PTPRN2: variants seen among roughly 807,000 people sequenced by gnomAD.
PTPRN2 encodes protein tyrosine phosphatase receptor type N2, also known as receptor-type tyrosine-protein phosphatase N2.
In PTPRN2, 74 loss-of-function variants were observed where a neutral mutation model predicts 118.8. That is an observed-to-expected ratio of 0.62 (90% confidence interval 0.52 to 0.76). PTPRN2 has a LOEUF of 0.76. Ranked by LOEUF, PTPRN2 falls within the 30% of genes least tolerant of loss-of-function variation. PTPRN2 has a pLI of 0.00. For synonymous variants in PTPRN2, 641 were observed against 608.0 expected, an observed-to-expected ratio of 1.05 and a Z score of -0.80; for missense variants, 1,481 against 1,394.4, an observed-to-expected ratio of 1.06 and a Z score of -0.99.
At chr7:158,464,509 C>T (rs1262005103) in intron 2 of PTPRN2, among the ~76,000 whole-genome samples, 2 of 148,134 alleles carry the variant, frequency 1.4e-5, no homozygotes, top group Non-Finnish European at 3.0e-5. Flanking sequence ...AATAATCCTT[C>T]ATCATCACCA....
intron 17 of PTPRN2, among the ~76,000 whole-genome samples, chr7:157,592,676 CCGAGGG>C (rs1801054223): frequency 7.4e-6 from 1 of 135,390 alleles, no homozygotes; most frequent in African/African-American, 2.8e-5. Context: ...ACCTGCTGAA[CCGAGGG>C]TGGATGTGGG....
At chr7:157,589,490 C>T (rs375286824) in intron 17 of PTPRN2, among the ~76,000 whole-genome samples, 4 of 152,270 alleles carry the variant, frequency 2.6e-5, no homozygotes, top group East Asian at 1.9e-4. Flanking sequence ...TGACAGGTAC[C>T]CAAAGCCGCA....
chr7:158,036,616 T>C (rs1429257200), intron 11 of PTPRN2, among the ~76,000 whole-genome samples: 1 of 152,148 alleles, frequency 6.6e-6, no homozygotes, highest in Non-Finnish European at 1.5e-5. Context: ...AATGCAAAAC[T>C]GGTTCTACTC....
rs551404789 is a variant in PTPRN2 at position 157,644,573 on chromosome 7, G to A, written c.2196+11784C>T. 3.3e-3 allele frequency among the ~76,000 whole-genome samples: 507 copies of A among 152,274 alleles called. 4 individuals are homozygous for A. Among genetic ancestry groups the A allele is most frequent in the African/African-American group, 0.012 (495 of 41,558 alleles). On this transcript the variant is annotated intron_variant, in intron 14 of 22. Coordinates refer to ENST00000389418, the MANE Select transcript of PTPRN2 (RefSeq NM_002847.5). Reference sequence around the variant, plus strand: ...AGCACTTTGGGAGGCTGAGGCAGGCGGATCACGAGGTCAGGAGTTTGAGAT... The same window carrying A: ...AGCACTTTGGGAGGCTGAGGCAGGCAGATCACGAGGTCAGGAGTTTGAGAT...
At chr7:158,543,746 C>A (rs901733580) in intron 1 of PTPRN2, among the ~76,000 whole-genome samples, 18 of 152,214 alleles carry the variant, frequency 1.2e-4, no homozygotes, top group African/African-American at 4.1e-4. Flanking sequence ...ATTTCATCTA[C>A]CCTCTAAAAT....
intron 11 of PTPRN2, among the ~76,000 whole-genome samples, chr7:158,021,700 G>A (rs953417376): frequency 6.6e-6 from 1 of 152,076 alleles, no homozygotes; most frequent in South Asian, 2.1e-4. Flanking sequence ...GAGGGGCCTC[G>A]GGAGGAGCAG....
chr7:157,833,507 C>G (rs369585155), intron 12 of PTPRN2, among the ~76,000 whole-genome samples: 7,872 of 128,338 alleles, frequency 0.061, 1,007 homozygotes, highest in African/African-American at 0.22. Context: ...TGCGACGTGG[C>G]CGGCGCCCAT....
chr7:158,516,713 T>C (rs1354239874), intron 1 of PTPRN2, among the ~76,000 whole-genome samples: 1 of 151,040 alleles, frequency 6.6e-6, no homozygotes, highest in African/African-American at 2.4e-5. Context: ...TCTTGGTGCT[T>C]CTGCCTTTTG....
intron 6 of PTPRN2, among the ~76,000 whole-genome samples, chr7:158,146,558 A>G (rs925691301): frequency 2.0e-5 from 3 of 151,692 alleles, no homozygotes; most frequent in African/African-American, 2.4e-5. Flanking sequence ...CATCTCTACT[A>G]AAAATACAAA....
At position 157,775,010 on chromosome 7, in the gene PTPRN2, G is replaced by A. The variant is rs557362152; in HGVS notation, c.1789-92073C>T. Among the ~76,000 whole-genome samples, 39 of 152,326 alleles carry A rather than the reference G, an allele frequency of 2.6e-4. No individual in the cohort carries two copies. In the South Asian group the frequency reaches 8.1e-3, roughly 32 times the overall value. The stretch of plus-strand genomic sequence containing the variant: ...CAATGAAAGCAAAGTCAGGGAAGAT[G>A]AGAAGGTGGCCTTGCATCCTAACTG... On this transcript the variant is annotated intron_variant, in intron 12 of 22. Transcript: ENST00000389418.
chr7:157,968,558 C>G (rs55973530), intron 11 of PTPRN2, among the ~76,000 whole-genome samples: 1 of 152,180 alleles, frequency 6.6e-6, no homozygotes, highest in Non-Finnish European at 1.5e-5. Context: ...AAGGCTCGAA[C>G]GCTGGAGCCG....
At chr7:158,369,144 T>C (rs1027987303) in intron 2 of PTPRN2, among the ~76,000 whole-genome samples, 4 of 152,044 alleles carry the variant, frequency 2.6e-5, no homozygotes, top group African/African-American at 4.8e-5. Context: ...CCCTTGAACA[T>C]TGGACTCCAA....
rs556459134 is a variant in PTPRN2 at position 158,015,155 on chromosome 7, G to T, written c.1723+66143C>A. 5.3e-5 allele frequency among the ~76,000 whole-genome samples: 8 copies of T among 152,304 alleles called. No individual in the cohort carries two copies. Among genetic ancestry groups the T allele is most frequent in the Non-Finnish European group, 7.3e-5 (5 of 68,032 alleles). On this transcript the variant is annotated intron_variant, in intron 11 of 22. Transcript: ENST00000389418. This position sits in a 1 kb window ranked among gnomAD's most constrained non-coding sequence, Gnocchi z 4.2. ...CAATTCAGCTCCAGATACCCAGGGGGTCTAGGCGGTCAGCTGACCTTTCTT... is the reference window on the plus strand; with the variant it reads ...CAATTCAGCTCCAGATACCCAGGGGTTCTAGGCGGTCAGCTGACCTTTCTT...
rs1157922918 is a variant in PTPRN2 at position 157,560,218 on chromosome 7, T to A, written c.2902+8684A>T. ...GAACCCTGGCTCAGCAGGGTCAGCCTGACCCCTTGAAGGTGGGAGACCCCT... is the reference window on the plus strand; with the variant it reads ...GAACCCTGGCTCAGCAGGGTCAGCCAGACCCCTTGAAGGTGGGAGACCCCT... On this transcript the variant is annotated intron_variant, in intron 21 of 22. Coordinates refer to ENST00000389418, the MANE Select transcript of PTPRN2 (RefSeq NM_002847.5). The surrounding 1 kb of genome is among the most constrained non-coding windows in gnomAD (Gnocchi z 6.7). Among the ~76,000 whole-genome samples, 1 of 152,126 alleles carries A rather than the reference T, an allele frequency of 6.6e-6. No individual in the cohort carries two copies. Among genetic ancestry groups the A allele is most frequent in the African/African-American group, 2.4e-5 (1 of 41,396 alleles).
chr7:158,480,763 G>A (rs1820589960), intron 2 of PTPRN2, among the ~76,000 whole-genome samples: 1 of 152,238 alleles, frequency 6.6e-6, no homozygotes, highest in Non-Finnish European at 1.5e-5. Context: ...ATTCCCTTAA[G>A]CCAGAGCCTA....
chr7:158,278,000 A>G (rs1799144788), intron 3 of PTPRN2, among the ~76,000 whole-genome samples: 1 of 152,320 alleles, frequency 6.6e-6, no homozygotes, highest in East Asian at 1.9e-4. Context: ...CCTCCAGCAC[A>G]TAACAGGGAG....
intron 12 of PTPRN2, among the ~76,000 whole-genome samples, chr7:157,754,151 C>A (rs546848642): frequency 6.6e-6 from 1 of 152,242 alleles, no homozygotes; most frequent in African/African-American, 2.4e-5. Context: ...TCAGGAAGAG[C>A]AGGGCCTGGT....
At chr7:158,225,876 T>C (rs1259704209) in intron 3 of PTPRN2, among the ~76,000 whole-genome samples, 1 of 141,560 alleles carries the variant, frequency 7.1e-6, no homozygotes, top group Non-Finnish European at 1.5e-5. Flanking sequence ...GGATGGTGTA[T>C]GACATGGGGA....
At chr7:158,468,659 C>T (rs919313068) in intron 2 of PTPRN2, among the ~76,000 whole-genome samples, 5 of 152,158 alleles carry the variant, frequency 3.3e-5, no homozygotes, top group African/African-American at 7.2e-5. Flanking sequence ...GAGAGGGGTG[C>T]GCAGGGTGGT....
Sources: gnomAD v4.1 joint callset for allele counts (sites outside exome capture counted in the v4.1 genomes callset) on GRCh38, gnomAD v4.1.1 for gene constraint, Gnocchi (gnomAD v3.1) non-coding constraint, MANE v1.5 for transcripts, NCBI Gene and HGNC (gene_info 2026-07-23, HGNC 2026-07-21) for gene names.